IL1RAPL1: variants seen among roughly 807,000 people sequenced by gnomAD.
IL1RAPL1 encodes the protein interleukin-1 receptor accessory protein-like 1.
Under a neutral mutation model 48.4 loss-of-function variants are expected in IL1RAPL1, and 3 were observed. The observed-to-expected ratio is 0.06, with a 90% CI of 0.03 to 0.16. The LOEUF (loss-of-function observed/expected upper bound fraction) is 0.16, where lower values mean the gene tolerates loss of function less well. Ranked by LOEUF, IL1RAPL1 falls within the 10% of genes least tolerant of loss-of-function variation. The pLI, the probability that IL1RAPL1 is intolerant of heterozygous loss-of-function variation, is 1.00. For missense variants in IL1RAPL1, 349 were observed against 530.6 expected, an observed-to-expected ratio of 0.66 and a Z score of 3.36; for synonymous variants, 185 against 187.7, an observed-to-expected ratio of 0.99 and a Z score of 0.12.
At position 29,899,689 on chromosome X, in the gene IL1RAPL1, G is replaced by A. The variant is rs771819763; in HGVS notation, c.779-17775G>A. ...CTCCCGAGTTGCTGGGATTACAGGC[G>A]CCTGCCACCACGCCTGGCTAATTTT... On this transcript the variant is annotated intron_variant, in intron 6 of 10. Transcript: ENST00000378993. 4.6e-5 allele frequency among the ~76,000 whole-genome samples: 5 copies of A among 108,709 alleles called. No individual in the cohort carries two copies. In the South Asian group the frequency reaches 1.7e-3, roughly 36 times the overall value. The allele number at this position is 108,709 out of a possible 115,157, so 94.4% of individuals were successfully genotyped here.
At chrX:29,575,691 A>G (rs1196775302) in intron 5 of IL1RAPL1, among the ~76,000 whole-genome samples, 5 of 112,037 alleles carry the variant, frequency 4.5e-5, no homozygotes, top group African/African-American at 1.6e-4. Flanking sequence ...CTGCAATCCA[A>G]TCAAGTTGCC....
chrX:29,625,145 A>G (rs1480237335), intron 5 of IL1RAPL1, among the ~76,000 whole-genome samples: 4 of 112,003 alleles, frequency 3.6e-5, no homozygotes, highest in Non-Finnish European at 7.5e-5. Context: ...GATGGGCCAT[A>G]GTTTGTTGAC....
chrX:29,079,643 C>G (rs909697196), intron 2 of IL1RAPL1, among the ~76,000 whole-genome samples: 3 of 108,742 alleles, frequency 2.8e-5, no homozygotes, highest in Non-Finnish European at 5.7e-5. Context: ...CATTGCCACT[C>G]ATTGATATGT....
At chrX:28,928,707 G>T (rs186682974) in intron 2 of IL1RAPL1, among the ~76,000 whole-genome samples, 1 of 111,934 alleles carries the variant, frequency 8.9e-6, no homozygotes, top group Admixed American at 9.5e-5. Flanking sequence ...CTGACCTAAC[G>T]AAAGTAGGAA....
At chrX:29,180,720 C>G (rs1158774381) in intron 2 of IL1RAPL1, among the ~76,000 whole-genome samples, 1 of 111,586 alleles carries the variant, frequency 9.0e-6, no homozygotes, top group Non-Finnish European at 1.9e-5. Flanking sequence ...AGTGGAACCT[C>G]CATTAGGCTA....
intron 1 of IL1RAPL1, among the ~76,000 whole-genome samples, chrX:28,612,395 G>C (rs982457553): frequency 8.9e-6 from 1 of 111,847 alleles, no homozygotes; most frequent in Admixed American, 9.5e-5. Flanking sequence ...CAGGGACCCC[G>C]GGCGGGGCGT....
At chrX:28,849,434 GTTC>G (rs1477443861) in intron 2 of IL1RAPL1, among the ~76,000 whole-genome samples, 40 of 111,758 alleles carry the variant, frequency 3.6e-4, no homozygotes, top group African/African-American at 1.0e-3. Flanking sequence ...TGGGTCTGAT[GTTC>G]TTCTTCCTAG....
At chrX:29,032,572 C>T (rs1349138214) in intron 2 of IL1RAPL1, among the ~76,000 whole-genome samples, 1 of 112,500 alleles carries the variant, frequency 8.9e-6, no homozygotes, top group Non-Finnish European at 1.9e-5. Flanking sequence ...AAGGTGTCCC[C>T]TGGTCTTTTC....
At chrX:29,311,448 A>G (rs1932722812) in intron 3 of IL1RAPL1, among the ~76,000 whole-genome samples, 1 of 112,096 alleles carries the variant, frequency 8.9e-6, no homozygotes, top group African/African-American at 3.2e-5. Flanking sequence ...AAGCGAGCAC[A>G]GGAATACTAG....
intron 1 of IL1RAPL1, among the ~76,000 whole-genome samples, chrX:28,706,628 G>A (rs1171561302): frequency 9.0e-6 from 1 of 111,224 alleles, no homozygotes; most frequent in East Asian, 2.8e-4. Flanking sequence ...TGGCCAGGCT[G>A]GTCTCGGACT....
intron 6 of IL1RAPL1, among the ~76,000 whole-genome samples, chrX:29,826,413 A>G (rs967444764): frequency 1.8e-5 from 2 of 111,840 alleles, no homozygotes; most frequent in Admixed American, 9.5e-5. Flanking sequence ...CACACACCAT[A>G]AAGTTTACTA....
intron 6 of IL1RAPL1, among the ~76,000 whole-genome samples, chrX:29,862,364 T>G (rs1931605818): frequency 9.0e-6 from 1 of 111,567 alleles, no homozygotes; most frequent in Non-Finnish European, 1.9e-5. Context: ...CTGAAAGTCT[T>G]TCACTTCCTT....
At chrX:28,711,853 T>TA (rs1412190211) in intron 1 of IL1RAPL1, among the ~76,000 whole-genome samples, 1 of 109,878 alleles carries the variant, frequency 9.1e-6, no homozygotes, top group Non-Finnish European at 1.9e-5. Context: ...AGAGAGGACT[T>TA]ACAGCTATAG....
chrX:29,214,142 C>A (rs1930822082), intron 2 of IL1RAPL1, among the ~76,000 whole-genome samples: 1 of 110,942 alleles, frequency 9.0e-6, no homozygotes, highest in Non-Finnish European at 1.9e-5. Context: ...ATATGTCAAC[C>A]AAGCGCACAT....
chrX:29,925,211 G>C (rs1932876087), intron 8 of IL1RAPL1, among the ~76,000 whole-genome samples: 1 of 110,285 alleles, frequency 9.1e-6, no homozygotes. Context: ...TCCCTAGAAA[G>C]ACAATGACCC....
At chrX:29,005,390 T>C (rs1925952728) in intron 2 of IL1RAPL1, among the ~76,000 whole-genome samples, 1 of 112,229 alleles carries the variant, frequency 8.9e-6, no homozygotes, top group Non-Finnish European at 1.9e-5. Context: ...ATAATGACTA[T>C]ATTAGCATAG....
chrX:29,479,612 T>C (rs1935016449), intron 5 of IL1RAPL1, among the ~76,000 whole-genome samples: 1 of 108,879 alleles, frequency 9.2e-6, no homozygotes, highest in Non-Finnish European at 1.9e-5. Context: ...GAAATTTTAG[T>C]GCACCCATCA....
At chrX:29,668,592 C>T (rs60619776) in intron 6 of IL1RAPL1, 88 bp downstream of exon 6, 4 of 664,833 alleles carry the variant, frequency 6.0e-6, no homozygotes, top group South Asian at 2.3e-5. Flanking sequence ...ATGTAATACT[C>T]GCAGCTAAAT....
intron 1 of IL1RAPL1, among the ~76,000 whole-genome samples, chrX:28,600,444 C>A (rs1934009093): frequency 9.7e-6 from 1 of 103,007 alleles, no homozygotes; most frequent in South Asian, 4.6e-4. Flanking sequence ...TTACATAGGA[C>A]CTTTTTTTTT....
Sources: allele counts gnomAD v4.1 joint callset (sites outside exome capture counted in the v4.1 genomes callset), GRCh38; gene constraint gnomAD v4.1.1; transcripts MANE v1.5; gene names NCBI Gene and HGNC (gene_info 2026-07-23, HGNC 2026-07-21).